The following DCDC1 variants were observed in gnomAD, a reference collection of about 807,000 sequenced individuals.
DCDC1 encodes doublecortin domain-containing protein 1.
In DCDC1, 200 loss-of-function variants were observed where a neutral mutation model predicts 178.3. That is an observed-to-expected ratio of 1.12 (90% CI 1.00 to 1.26). DCDC1 has a LOEUF of 1.26. Ranked by LOEUF, DCDC1 falls within the 50% of genes most tolerant of loss-of-function variation. The probability of loss-of-function intolerance (pLI) is 0.00; values close to 1 mark genes in which losing one functional copy is unlikely to be tolerated. For missense variants in DCDC1, 1,983 were observed against 1,749.2 expected, an observed-to-expected ratio of 1.13 and a Z score of -2.38; for synonymous variants, 690 against 604.8, an observed-to-expected ratio of 1.14 and a Z score of -2.07.
intron 6 of DCDC1, among the ~76,000 whole-genome samples, chr11:31,291,558 A>G (rs1347521244): frequency 6.6e-6 from 1 of 152,114 alleles, no homozygotes; most frequent in Non-Finnish European, 1.5e-5. Flanking sequence ...AAGGGTAAGA[A>G]GAGGAGTGCA....
At chr11:31,270,040 G>A (rs1945446336) in intron 7 of DCDC1, among the ~76,000 whole-genome samples, 1 of 152,092 alleles carries the variant, frequency 6.6e-6, no homozygotes, top group South Asian at 2.1e-4. Flanking sequence ...CTTTTAATAT[G>A]GTTCTATGAG....
intron 36 of DCDC1, among the ~76,000 whole-genome samples, chr11:30,892,011 A>C (rs1011940594): frequency 5.3e-5 from 8 of 152,128 alleles, no homozygotes; most frequent in Non-Finnish European, 1.0e-4. Context: ...CCCACCACCA[A>C]CAACATCTCT....
intron 1 of DCDC1, among the ~76,000 whole-genome samples, chr11:31,339,178 G>A (rs147050660): frequency 3.9e-5 from 6 of 152,156 alleles, no homozygotes. Context: ...ATTTTCCTAT[G>A]TGCTATGGTT....
chr11:31,343,983 A>G (rs1366934890), intron 1 of DCDC1, among the ~76,000 whole-genome samples: 1 of 152,172 alleles, frequency 6.6e-6, no homozygotes, highest in Non-Finnish European at 1.5e-5. Flanking sequence ...TTTCAGTAGG[A>G]TTAGTTATAT....
chr11:30,956,896 G>T (rs535835746), intron 20 of DCDC1, among the ~76,000 whole-genome samples: 1 of 152,170 alleles, frequency 6.6e-6, no homozygotes, highest in South Asian at 2.1e-4. Flanking sequence ...ACCCCTGAGG[G>T]GCACATGACT....
At chr11:31,156,343 A>T (rs1285283080) in intron 9 of DCDC1, among the ~76,000 whole-genome samples, 3 of 152,140 alleles carry the variant, frequency 2.0e-5, no homozygotes, top group African/African-American at 7.2e-5. Context: ...AACCATTCTA[A>T]CTTTCTGATC....
At chr11:30,915,387 G>T in intron 27 of DCDC1, 124 bp downstream of exon 27, 3 of 984,362 alleles carry the variant, frequency 3.0e-6, no homozygotes, top group Middle Eastern at 3.2e-4. Context: ...AGAATTATCA[G>T]CTAAGTTAAA....
intron 35 of DCDC1, among the ~76,000 whole-genome samples, chr11:30,893,213 T>G (rs1271176343): frequency 2.6e-5 from 4 of 152,074 alleles, no homozygotes; most frequent in Non-Finnish European, 4.4e-5. Context: ...ATCATTAGAA[T>G]AATAATAATA....
At chr11:31,014,855 A>G (rs188515730) in intron 20 of DCDC1, among the ~76,000 whole-genome samples, 151 of 152,298 alleles carry the variant, frequency 9.9e-4, no homozygotes, top group Admixed American at 2.3e-3. Context: ...AATATCCCAA[A>G]ATTCCAAATG....
intron 9 of DCDC1, among the ~76,000 whole-genome samples, chr11:31,159,376 G>T (rs775053752): frequency 5.3e-5 from 8 of 151,996 alleles, no homozygotes; most frequent in Non-Finnish European, 7.4e-5. Context: ...AATTTCATAG[G>T]GCAAATGCTT....
chr11:31,297,988 A>G (rs1947823264), intron 6 of DCDC1, among the ~76,000 whole-genome samples: 1 of 152,166 alleles, frequency 6.6e-6, no homozygotes, highest in African/African-American at 2.4e-5. Context: ...CCTTGGGCAC[A>G]TGTCATCAGG....
chr11:30,951,172 A>C (rs1948396412), intron 21 of DCDC1, among the ~76,000 whole-genome samples: 1 of 152,096 alleles, frequency 6.6e-6, no homozygotes, highest in Non-Finnish European at 1.5e-5. Flanking sequence ...TGATAAATAA[A>C]AAGAAATCTT....
intron 12 of DCDC1, among the ~76,000 whole-genome samples, 154 bp downstream of exon 12, chr11:31,110,106 T>C (rs943073813): frequency 2.6e-5 from 4 of 152,150 alleles, no homozygotes; most frequent in Non-Finnish European, 5.9e-5. Flanking sequence ...GCTGAAAGCC[T>C]AAGAAATTCA....
chr11:31,010,874 T>C (rs1188952540), intron 20 of DCDC1, among the ~76,000 whole-genome samples: 1 of 152,238 alleles, frequency 6.6e-6, no homozygotes, highest in East Asian at 1.9e-4. Flanking sequence ...CTTGGAGTTA[T>C]ATTAAATTAG....
chr11:31,283,881 A>G (rs1463658558), intron 7 of DCDC1, among the ~76,000 whole-genome samples: 1 of 152,118 alleles, frequency 6.6e-6, no homozygotes, highest in African/African-American at 2.4e-5. Flanking sequence ...AATTTCAGCT[A>G]CCTAGAACTT....
intron 9 of DCDC1, among the ~76,000 whole-genome samples, chr11:31,160,958 C>T (rs528851739): frequency 6.6e-6 from 1 of 152,096 alleles, no homozygotes; most frequent in Non-Finnish European, 1.5e-5. Flanking sequence ...ACCATCCAAT[C>T]CTTATGGTTT....
intron 9 of DCDC1, among the ~76,000 whole-genome samples, chr11:31,173,535 C>T (rs189116215): frequency 7.9e-5 from 12 of 152,158 alleles, no homozygotes; most frequent in African/African-American, 2.9e-4. Flanking sequence ...CCAATTTCAC[C>T]CTCAGGCACC....
intron 38 of DCDC1, among the ~76,000 whole-genome samples, chr11:30,878,045 A>G (rs1212237244): frequency 6.6e-6 from 1 of 152,150 alleles, no homozygotes; most frequent in East Asian, 1.9e-4. Context: ...TTGGAAGAAA[A>G]TCCACCGAAG....
At chr11:30,912,037 T>C (rs1945482909) in intron 27 of DCDC1, among the ~76,000 whole-genome samples, 1 of 152,020 alleles carries the variant, frequency 6.6e-6, no homozygotes, top group African/African-American at 2.4e-5. Flanking sequence ...GATGAAAGGG[T>C]TAATGGATTA....
Sources: gnomAD v4.1 joint callset for allele counts (sites outside exome capture counted in the v4.1 genomes callset) on GRCh38, gnomAD v4.1.1 for gene constraint, MANE v1.5 for transcripts, NCBI Gene and HGNC (gene_info 2026-07-23, HGNC 2026-07-21) for gene names.